The following ADAM33 variants were observed in gnomAD, a reference collection of about 807,000 sequenced individuals.
ADAM33 encodes the protein disintegrin and metalloproteinase domain-containing protein 33.
ADAM33 carries 103 observed loss-of-function variants against 106.2 expected under a neutral mutation model. That is an observed-to-expected ratio of 0.97 (90% CI 0.83 to 1.14). ADAM33 has a LOEUF of 1.14. Ranked by LOEUF, ADAM33 falls within the 50% of genes most tolerant of loss-of-function variation. ADAM33 has a pLI of 0.00. For missense variants in ADAM33, 1,120 were observed against 1,096.6 expected (o/e 1.02, Z -0.30); for synonymous variants, 483 against 453.0 (o/e 1.07, Z -0.84).
Position 3,673,847 on chromosome 20 carries a change from C to T in ADAM33, c.803G>A (p.Arg268His), listed in dbSNP as rs867486660. The change falls in exon 9 of 22, where the codon CGC becomes CAC. Residue 268 changes from arginine to histidine, a missense_variant. Physicochemically the swap from Arg to His is conservative, Grantham distance 29 (BLOSUM62 0). Coordinates refer to ENST00000356518, the MANE Select transcript of ADAM33 (RefSeq NM_025220.5). ...TGLEVWTERD[R>H]SRVTQDANAT... ...GTTGGCGTCCTGCGTGACGCGGCTGCGGTCCCGCTCGGTCCACACCTCCAG... is the reference window on the plus strand; with the variant it reads ...GTTGGCGTCCTGCGTGACGCGGCTGTGGTCCCGCTCGGTCCACACCTCCAG... 8 of 1,561,354 alleles carry T rather than the reference C, an allele frequency of 5.1e-6. No homozygotes were observed. The highest frequency in any genetic ancestry group is 3.8e-5 in the Admixed American group (2 of 52,856).
chr20:3,668,834 G>A lies in ADAM33; in HGVS notation c.*129C>T. 8.5e-7 allele frequency: 1 copy of A among 1,182,926 alleles called. No individual in the cohort carries two copies. Among genetic ancestry groups the A allele is most frequent in the Non-Finnish European group, 1.3e-6 (1 of 799,542 alleles). The allele number at this position is 1,182,926 out of a possible 1,614,324, so 73.3% of individuals were successfully genotyped here. On this transcript the variant is annotated 3_prime_UTR_variant, in exon 22 of 22. Coordinates refer to ENST00000356518, the MANE Select transcript of ADAM33 (RefSeq NM_025220.5). ...GTGGGTCGAAGCTCCACTCGGGGAA[G>A]AAACTTCCAAGCTGCCTGCAGGTGC...
rs1390041480 is a variant in ADAM33, at chr20:3,675,792, C to T, written c.255-687G>A. Among the ~76,000 whole-genome samples, 2 of 152,114 alleles carry T rather than the reference C, an allele frequency of 1.3e-5. No homozygotes were observed. Among genetic ancestry groups the T allele is most frequent in the Non-Finnish European group, 2.9e-5 (2 of 68,032 alleles). The stretch of plus-strand genomic sequence containing the variant: ...ATGGATCAATCATAAGTCAATCTGT[C>T]TTCTTTAAAGAAAATCCTTAACCCA... On this transcript the variant is annotated intron_variant, in intron 3 of 21. Coordinates refer to ENST00000356518, the MANE Select transcript of ADAM33 (RefSeq NM_025220.5). This position sits in a 1 kb window ranked among gnomAD's most constrained non-coding sequence, Gnocchi z 4.1.
rs375179716 is a variant in ADAM33 at position 3,679,560 on chromosome 20, C to T, written c.109G>A (p.Gly37Arg). The T allele has an allele frequency of 8.1e-6, 13 of 1,608,676 alleles. No individual in the cohort carries two copies. In the Admixed American group the frequency reaches 8.4e-5, roughly 10 times the overall value. Residue 37 changes from glycine (G) to arginine (R), a missense_variant, in exon 2 of 22, where the codon GGG becomes AGG. Transcript: ENST00000356518. The stretch of plus-strand genomic sequence containing the variant: ...ACCCAGTGCGGGGTGACTGGCTGCC[C>T]AGGGATATGTCCTGGAGTAAAGACA... ...GAGVLQGHIP[G>R]QPVTPHWVLD...
chr20:3,673,119 C>T (rs1315412677), intron 11 of ADAM33: 1 of 1,460,004 alleles, frequency 6.8e-7, no homozygotes, highest in Non-Finnish European at 9.0e-7. Flanking sequence ...GACGGTGCTC[C>T]TCCCGGTGTA....
In ADAM33 at chr20:3,674,439, G is replaced by C. The variant is rs544032039; in HGVS notation, c.600+65C>G. The C allele has an allele frequency of 3.6e-5, 57 of 1,602,380 alleles. No individual in the cohort carries two copies. The South Asian group carries it at 5.3e-4, about 15-fold the overall frequency. On this transcript the variant is annotated intron_variant, in intron 6 of 21. Transcript: ENST00000356518. ...TGGGACTCGAGGCCTGTGAATTCCC[G>C]TCTCTTCTGATTTGGAGGGCTATAG...
chr20:3,676,333 C>A (rs2087951759), intron 3 of ADAM33, among the ~76,000 whole-genome samples: 1 of 152,224 alleles, frequency 6.6e-6, no homozygotes, highest in Non-Finnish European at 1.5e-5. Flanking sequence ...GCTCCCCTCC[C>A]TGTAGATGGA....
chr20:3,668,548 C>A lies in ADAM33; in HGVS notation c.*415G>T. 4.1e-6 allele frequency: 1 copy of A among 245,242 alleles called. No individual in the cohort carries two copies. Among genetic ancestry groups the A allele is most frequent in the East Asian group, 9.0e-5 (1 of 11,160 alleles). 15.2% of individuals were successfully genotyped at this position (245,242 alleles called of 1,614,324 possible). On this transcript the variant is annotated 3_prime_UTR_variant, in exon 22 of 22. Transcript: ENST00000356518. ...TGTGGACTCAGTCGAACCATAGGGC[C>A]CCAGGACCACTAGCTTCTGGCCAGC...
Position 3,677,048 on chromosome 20 carries a change from A to AC in ADAM33, c.254+18dup. 2 of 1,610,412 alleles carry AC rather than the reference A, an allele frequency of 1.2e-6. No individual in the cohort carries two copies. The highest frequency in any genetic ancestry group is 1.7e-6 in the Non-Finnish European group (2 of 1,179,066). On this transcript the variant is annotated intron_variant, in intron 3 of 21. Coordinates refer to ENST00000356518, the MANE Select transcript of ADAM33 (RefSeq NM_025220.5). ...ACACTGATCCCCTCCTCCCAGCCCTACCCCAGCCTGGCACTCACTGGTTCT... is the reference window on the plus strand; with the variant it reads ...ACACTGATCCCCTCCTCCCAGCCCTACCCCCAGCCTGGCACTCACTGGTTCT...
At position 3,672,560 on chromosome 20, in the gene ADAM33, C is replaced by A; in HGVS notation, c.1378G>T (p.Gly460Trp). 1 of 1,613,518 alleles carries A rather than the reference C, an allele frequency of 6.2e-7. No individual in the cohort carries two copies. The highest frequency in any genetic ancestry group is 8.5e-7 in the Non-Finnish European group (1 of 1,179,872). ...ACCAGGCAGCGCACGCAGCAGTCCC[C>A]GTGGGCGCACTGGGCCCCCGGGCGC... ...SLRPGAQCAH[G>W]DCCVRCLLKP... Residue 460 changes from glycine (G) to tryptophan (W), a missense_variant, in exon 13 of 22, where the codon GGG becomes TGG. By Grantham distance (184) the Gly-to-Trp change is radical. Coordinates refer to ENST00000356518, the MANE Select transcript of ADAM33 (RefSeq NM_025220.5).
chr20:3,677,266 A>G, intron 2 of ADAM33, 123 bp from the exon 3 acceptor site: 1 of 726,970 alleles, frequency 1.4e-6, no homozygotes, highest in Non-Finnish European at 2.2e-6. Flanking sequence ...CTGGGGAGTC[A>G]GCAGGACCCC....
chr20:3,679,266 G>A (rs2088250913), intron 2 of ADAM33, among the ~76,000 whole-genome samples: 2 of 151,674 alleles, frequency 1.3e-5, no homozygotes, highest in Non-Finnish European at 2.9e-5. Flanking sequence ...AGGTGGGGTG[G>A]AGAAAGCTGA....
In ADAM33 at chr20:3,671,927, A is replaced by G. The variant is rs1427961031; in HGVS notation, c.1656T>C (p.His552=). The change falls in exon 15 of 22, where the codon CAT becomes CAC. Residue 552 remains histidine (H), a synonymous_variant. Transcript: ENST00000356518. ...CCTCGCTGTCCTGGCCGCAGTTTCC[A>G]TGAGCATCTCCCGCAGAGTTCACCA... ...FQVVNSAGDA[H]GNCGQDSEGH... The G allele has an allele frequency of 6.4e-7, 1 of 1,556,036 alleles. No homozygotes were observed. Among genetic ancestry groups the G allele is most frequent in the Middle Eastern group, 1.7e-4 (1 of 5,992 alleles).
At position 3,672,571 on chromosome 20, in the gene ADAM33, T is replaced by A; in HGVS notation, c.1367A>T (p.Gln456Leu). 1 of 1,613,546 alleles carries A rather than the reference T, an allele frequency of 6.2e-7. No homozygotes were observed. Among genetic ancestry groups the A allele is most frequent in the Non-Finnish European group, 8.5e-7 (1 of 1,179,898 alleles). The stretch of plus-strand genomic sequence containing the variant: ...CACGCAGCAGTCCCCGTGGGCGCAC[T>A]GGGCCCCCGGGCGCAGCGAGCAGTT... ...AHNCSLRPGA[Q>L]CAHGDCCVRC... Residue 456 changes from glutamine (Q) to leucine (L), a missense_variant, in exon 13 of 22, where the codon CAG (glutamine) becomes CTG (leucine). By Grantham distance (113) the Gln-to-Leu change is moderately radical. Coordinates refer to ENST00000356518, the MANE Select transcript of ADAM33 (RefSeq NM_025220.5).
chr20:3,672,075 G>A, intron 14 of ADAM33, 59 bp downstream of exon 14: 1 of 1,584,832 alleles, frequency 6.3e-7, no homozygotes, highest in South Asian at 1.1e-5. Flanking sequence ...CCCCACAGTA[G>A]AAAACTGGCC....
intron 2 of ADAM33, among the ~76,000 whole-genome samples, chr20:3,678,789 C>G (rs11907799): frequency 6.6e-6 from 1 of 152,250 alleles, no homozygotes; most frequent in South Asian, 2.1e-4. Context: ...CTCTGGGCTT[C>G]CGTTTGCCCC....
At chr20:3,678,157 AG>A (rs1555838502) in intron 2 of ADAM33, among the ~76,000 whole-genome samples, 1 of 152,240 alleles carries the variant, frequency 6.6e-6, no homozygotes, top group Non-Finnish European at 1.5e-5. Flanking sequence ...ACCGGGAAAA[AG>A]GCCATACTCG....
At chr20:3,670,880 C>T in intron 19 of ADAM33, 126 bp downstream of exon 19, 1 of 1,340,520 alleles carries the variant, frequency 7.5e-7, no homozygotes, top group Non-Finnish European at 9.9e-7. Flanking sequence ...CTTTCCATGG[C>T]CTCTGGGGCT....
At position 3,669,654 on chromosome 20, in the gene ADAM33, G is replaced by A. The variant is rs1413604222; in HGVS notation, c.2241-17C>T. 1 of 1,591,580 alleles carries A rather than the reference G, an allele frequency of 6.3e-7. No homozygotes were observed. The stretch of plus-strand genomic sequence containing the variant: ...TCTTTGGGGCTGAGCAACGTGATAA[G>A]AGTCCAGGAGGTTGGCACAGTGATC... On this transcript the variant is annotated splice_polypyrimidine_tract_variant and intron_variant, in intron 19 of 21. Coordinates refer to ENST00000356518, the MANE Select transcript of ADAM33 (RefSeq NM_025220.5).
chr20:3,672,491 T>C, intron 13 of ADAM33, 46 bp downstream of exon 13: 1 of 1,598,384 alleles, frequency 6.3e-7, no homozygotes, highest in Non-Finnish European at 8.6e-7. Flanking sequence ...ACAGGCCGGC[T>C]CCCAAGCTCC....
Sources: allele counts gnomAD v4.1 joint callset (sites outside exome capture counted in the v4.1 genomes callset), GRCh38; gene constraint gnomAD v4.1.1; non-coding constraint Gnocchi (gnomAD v3.1); transcripts MANE v1.5; gene names NCBI Gene and HGNC (gene_info 2026-07-23, HGNC 2026-07-21).